MFSD6: variants seen among roughly 807,000 people sequenced by gnomAD.
MFSD6 encodes the protein major facilitator superfamily domain-containing protein 6.
Under a neutral mutation model 56.3 loss-of-function variants are expected in MFSD6, and 26 were observed. That is an observed-to-expected ratio of 0.46 (90% CI 0.34 to 0.64). The LOEUF (loss-of-function observed/expected upper bound fraction) is 0.64. Among genes scored for constraint, MFSD6 ranks in the 30% least tolerant of loss-of-function variants. MFSD6 has a pLI of 0.01. For missense variants in MFSD6, 750 were observed against 986.2 expected, an observed-to-expected ratio of 0.76 and a Z score of 3.21; for synonymous variants, 331 against 366.9, an observed-to-expected ratio of 0.90 and a Z score of 1.12.
At chr2:190,478,434 CAGT>C (rs909416353) in intron 4 of MFSD6, among the ~76,000 whole-genome samples, 1 of 152,188 alleles carries the variant, frequency 6.6e-6, no homozygotes, top group Non-Finnish European at 1.5e-5. Flanking sequence ...CCATGGAAAA[CAGT>C]AGATTATTCA....
intron 3 of MFSD6, among the ~76,000 whole-genome samples, chr2:190,468,812 G>T (rs1239883753): frequency 2.0e-5 from 3 of 152,080 alleles, no homozygotes; most frequent in Non-Finnish European, 4.4e-5. Flanking sequence ...TGATTATCGT[G>T]TTGGTTTATT....
At chr2:190,482,940 G>A (rs201276963) in intron 4 of MFSD6, among the ~76,000 whole-genome samples, 21,638 of 128,296 alleles carry the variant, frequency 0.17, 1,877 homozygotes, top group Middle Eastern at 0.3. Flanking sequence ...GCCGGACTGC[G>A]GACTGCAGTG....
Position 190,457,854 on chromosome 2 carries a change from G to A in MFSD6, c.1533-11904G>A, listed in dbSNP as rs745880184. 1.3e-5 allele frequency among the ~76,000 whole-genome samples: 2 copies of A among 152,134 alleles called. No individual in the cohort carries two copies. Among genetic ancestry groups the A allele is most frequent in the East Asian group, 1.9e-4 (1 of 5,194 alleles). ...TTGGCCAGCGTGCAGCATATGCCCC[G>A]CCATGCTGCCCATTTTAAAACCAGA... On this transcript the variant is annotated intron_variant, in intron 3 of 7. Coordinates refer to ENST00000392328, the MANE Select transcript of MFSD6 (RefSeq NM_017694.4). This position sits in a 1 kb window ranked among gnomAD's most constrained non-coding sequence, Gnocchi z 5.1.
chr2:190,451,354 T>G lies in MFSD6; in HGVS notation c.1532+13793T>G. ...ATGCTAGCAAGCACATAATAAGTCC[T>G]CAACTATGAACAGTAGGTAGTATTG... On this transcript the variant is annotated intron_variant, in intron 3 of 7. Transcript: ENST00000392328. This position sits in a 1 kb window ranked among gnomAD's most constrained non-coding sequence, Gnocchi z 5.0. 6.6e-6 allele frequency among the ~76,000 whole-genome samples: 1 copy of G among 152,198 alleles called. No homozygotes were observed.
rs1687369813 is a variant in MFSD6, at chr2:190,462,266, G to A, written c.1533-7492G>A. Among the ~76,000 whole-genome samples, 1 of 152,072 alleles carries A rather than the reference G, an allele frequency of 6.6e-6. No homozygotes were observed. The highest frequency in any genetic ancestry group is 1.5e-5 in the Non-Finnish European group (1 of 68,012). ...AGATTTACCTCATGGTTCTCAACAG[G>A]AGCCATTTAAAAATGTGCACAGGAC... On this transcript the variant is annotated intron_variant, in intron 3 of 7. Coordinates refer to ENST00000392328, the MANE Select transcript of MFSD6 (RefSeq NM_017694.4). This position sits in a 1 kb window ranked among gnomAD's most constrained non-coding sequence, Gnocchi z 5.7.
chr2:190,481,994 C>T (rs950133962), intron 4 of MFSD6, among the ~76,000 whole-genome samples: 1 of 152,166 alleles, frequency 6.6e-6, no homozygotes. Flanking sequence ...TATTTCCCAG[C>T]CTCCCTTGCA....
Position 190,489,805 on chromosome 2 carries a change from C to T in MFSD6, c.1830C>T (p.Cys610=). ...AATFRGIGMA[C]LVILLLFALI... is the part of the protein sequence containing the mutation. Reference sequence around the variant, plus strand: ...CCTTCCGAGGAATTGGCATGGCCTGCTTGGTGATCCTACTGCTCTTTGCCC... The same window carrying T: ...CCTTCCGAGGAATTGGCATGGCCTGTTTGGTGATCCTACTGCTCTTTGCCC... Residue 610 remains cysteine, a synonymous_variant, in exon 6 of 8, where the codon TGC becomes TGT. Coordinates refer to ENST00000392328, the MANE Select transcript of MFSD6 (RefSeq NM_017694.4). The surrounding 1 kb of genome is among the most constrained non-coding windows in gnomAD (Gnocchi z 6.6). 1 of 1,614,134 alleles carries T rather than the reference C, an allele frequency of 6.2e-7. No individual in the cohort carries two copies. Among genetic ancestry groups the T allele is most frequent in the Non-Finnish European group, 8.5e-7 (1 of 1,180,000 alleles).
chr2:190,448,547 GA>G (rs1236818565), intron 3 of MFSD6, among the ~76,000 whole-genome samples: 1 of 152,098 alleles, frequency 6.6e-6, no homozygotes, highest in East Asian at 1.9e-4. Context: ...GTTGACTGGG[GA>G]AAAAAGCAGG....
rs1053693921 is a variant in MFSD6 at position 190,413,394 on chromosome 2, C to T, written c.-175-1898C>T. On this transcript the variant is annotated intron_variant, in intron 1 of 7. Transcript: ENST00000392328. The surrounding 1 kb of genome is among the most constrained non-coding windows in gnomAD (Gnocchi z 4.1). ...ATTGAATTAAGGGGGGCAGAGATGT[C>T]TTTCTTTGACATTTGTTGTGGGGCA... Among the ~76,000 whole-genome samples the T allele has an allele frequency of 6.6e-6, 1 of 152,082 alleles. No individual in the cohort carries two copies. The highest frequency in any genetic ancestry group is 2.1e-4 in the South Asian group (1 of 4,828).
rs1686917382 is a variant in MFSD6, at chr2:190,454,629, A to T, written c.1533-15129A>T. On this transcript the variant is annotated intron_variant, in intron 3 of 7. Transcript: ENST00000392328. The surrounding 1 kb of genome is among the most constrained non-coding windows in gnomAD (Gnocchi z 4.6). ...AGCCAGGAAGAGACCCCTCACCAGAACCCAGACATGCTGGTATCCTATTCT... is the reference window on the plus strand; with the variant it reads ...AGCCAGGAAGAGACCCCTCACCAGATCCCAGACATGCTGGTATCCTATTCT... 1 of 152,198 alleles carries T rather than the reference A, an allele frequency of 6.6e-6. No homozygotes were observed. The highest frequency in any genetic ancestry group is 2.4e-5 in the African/African-American group (1 of 41,446). 9.4% of individuals were successfully genotyped at this position (152,198 alleles called of 1,614,324 possible).
chr2:190,433,552 TA>T lies in MFSD6; in HGVS notation c.-53-2424del, dbSNP rs1294028578. On this transcript the variant is annotated intron_variant, in intron 2 of 7. Transcript: ENST00000392328. This position sits in a 1 kb window ranked among gnomAD's most constrained non-coding sequence, Gnocchi z 4.5. ...AGGTGGTGGCCATATACATTGTGAA[TA>T]TAGTAAATTACCGCTGAATTGTTCA... is the stretch of plus-strand genomic sequence containing the variant. Among the ~76,000 whole-genome samples, 1 of 152,222 alleles carries T rather than the reference TA, an allele frequency of 6.6e-6. No individual in the cohort carries two copies. The highest frequency in any genetic ancestry group is 1.5e-5 in the Non-Finnish European group (1 of 68,028).
Position 190,502,220 on chromosome 2 carries a change from C to CA in MFSD6, c.*2003dup, listed in dbSNP as rs1485063913. 32 of 152,274 alleles carry CA rather than the reference C, an allele frequency of 2.1e-4. No homozygotes were observed. Among genetic ancestry groups the CA allele is most frequent in the African/African-American group, 7.7e-4 (32 of 41,536 alleles). 9.4% of individuals were successfully genotyped at this position (152,274 alleles called of 1,614,324 possible). On this transcript the variant is annotated 3_prime_UTR_variant, in exon 8 of 8. Coordinates refer to ENST00000392328, the MANE Select transcript of MFSD6 (RefSeq NM_017694.4). The surrounding 1 kb of genome is among the most constrained non-coding windows in gnomAD (Gnocchi z 4.4). ...AGTCATTTCCAGCCTTGTGAGCTGA[C>CA]ACCTTCATGGGTTTGTGGACTTTGT... is the stretch of plus-strand genomic sequence containing the variant.
In MFSD6 at chr2:190,417,998, G is replaced by GTA. The variant is rs1553516520; in HGVS notation, c.-54+2586_-54+2587insAT. 4.0e-5 allele frequency among the ~76,000 whole-genome samples: 6 copies of GTA among 150,014 alleles called. No individual in the cohort carries two copies. Among genetic ancestry groups the GTA allele is most frequent in the African/African-American group, 1.5e-4 (6 of 40,588 alleles). Reference sequence around the variant, plus strand: ...TGTGTGTGTGTGTGTGTGTGTGTGTGTGTATGTGAGAGAGAGAGAGATGTG... The same window carrying GTA: ...TGTGTGTGTGTGTGTGTGTGTGTGTGTATGTATGTGAGAGAGAGAGAGATGTG... On this transcript the variant is annotated intron_variant, in intron 2 of 7. Coordinates refer to ENST00000392328, the MANE Select transcript of MFSD6 (RefSeq NM_017694.4). This position sits in a 1 kb window ranked among gnomAD's most constrained non-coding sequence, Gnocchi z 5.7.
chr2:190,501,197 A>C lies in MFSD6; in HGVS notation c.*979A>C, dbSNP rs943909925. 3.9e-5 allele frequency: 6 copies of C among 152,342 alleles called. No individual in the cohort carries two copies. The highest frequency in any genetic ancestry group is 9.6e-5 in the African/African-American group (4 of 41,568). 9.4% of individuals were successfully genotyped at this position (152,342 alleles called of 1,614,324 possible). A position where few individuals can be genotyped will look rare whatever the true frequency, so the allele number is the denominator to read the frequency against. On this transcript the variant is annotated 3_prime_UTR_variant, in exon 8 of 8. Coordinates refer to ENST00000392328, the MANE Select transcript of MFSD6 (RefSeq NM_017694.4). ...ATTTAAGTGCCTGGGGGAAGGATAC[A>C]ATTTTTAGAAATTACATATTGGGTC... is the stretch of plus-strand genomic sequence containing the variant.
chr2:190,470,029 C>T (rs1345627148), intron 4 of MFSD6, among the ~76,000 whole-genome samples, 174 bp downstream of exon 4: 2 of 152,142 alleles, frequency 1.3e-5, no homozygotes, highest in Admixed American at 1.3e-4. Context: ...TCCTTGGTTA[C>T]CTGAGTGCTG....
At chr2:190,429,847 T>G (rs1685905849) in intron 2 of MFSD6, among the ~76,000 whole-genome samples, 1 of 151,722 alleles carries the variant, frequency 6.6e-6, no homozygotes, top group African/African-American at 2.4e-5. Flanking sequence ...GCTCTTGTTC[T>G]TTTTTTTTCT....
intron 2 of MFSD6, among the ~76,000 whole-genome samples, chr2:190,421,551 A>C (rs1045782488): frequency 6.6e-6 from 1 of 152,122 alleles, no homozygotes; most frequent in Non-Finnish European, 1.5e-5. Flanking sequence ...CTCTTCCCAG[A>C]GGCAACTACT....
chr2:190,444,847 C>G, intron 3 of MFSD6: 1 of 813,118 alleles, frequency 1.2e-6, no homozygotes, highest in Non-Finnish European at 1.5e-6. Context: ...GTTTTGTGCC[C>G]TATTTTAAAT....
intron 2 of MFSD6, among the ~76,000 whole-genome samples, chr2:190,430,175 C>T (rs569528626): frequency 1.9e-4 from 28 of 151,304 alleles, no homozygotes; most frequent in South Asian, 1.0e-3. Flanking sequence ...AGGACATGAA[C>T]GCATCCTTTT....
Sources: gnomAD v4.1 joint callset for allele counts (sites outside exome capture counted in the v4.1 genomes callset) on GRCh38, gnomAD v4.1.1 for gene constraint, Gnocchi (gnomAD v3.1) non-coding constraint, MANE v1.5 for transcripts, NCBI Gene and HGNC (gene_info 2026-07-23, HGNC 2026-07-21) for gene names.